Variants in ASAP2 observed in about 807,000 individuals in gnomAD.
ASAP2 encodes arf-GAP with SH3 domain, ANK repeat and PH domain-containing protein 2.
In ASAP2, 45 loss-of-function variants were observed where a neutral mutation model predicts 131.4. That is an observed-to-expected ratio of 0.34 (90% CI 0.27 to 0.44). ASAP2 has a LOEUF of 0.44. Ranked by LOEUF, ASAP2 falls within the 20% of genes least tolerant of loss-of-function variation. ASAP2 has a pLI of 1.00. For missense variants in ASAP2, 1,011 were observed against 1,297.0 expected, an observed-to-expected ratio of 0.78 and a Z score of 3.39; for synonymous variants, 510 against 503.0, an observed-to-expected ratio of 1.01 and a Z score of -0.19.
At chr2:9,275,242 T>A (rs1007683394) in intron 1 of ASAP2, among the ~76,000 whole-genome samples, 1 of 152,066 alleles carries the variant, frequency 6.6e-6, no homozygotes. Context: ...GCTAACTTAT[T>A]TTTATTTTTT....
chr2:9,232,713 C>T lies in ASAP2; in HGVS notation c.126+25483C>T, dbSNP rs11688760. 6.5e-3 allele frequency among the ~76,000 whole-genome samples: 997 copies of T among 152,318 alleles called. 11 individuals carry two copies. The highest frequency in any genetic ancestry group is 0.023 in the African/African-American group (960 of 41,576). On this transcript the variant is annotated intron_variant, in intron 1 of 27. Transcript: ENST00000281419. The surrounding 1 kb of genome is among the most constrained non-coding windows in gnomAD (Gnocchi z 4.1). Reference sequence around the variant, plus strand: ...TTGTTGAATGAATAAAACTGACAGGCAACTACAGCTTAGATTGCAGGGAGT... The same window carrying T: ...TTGTTGAATGAATAAAACTGACAGGTAACTACAGCTTAGATTGCAGGGAGT...
intron 2 of ASAP2, among the ~76,000 whole-genome samples, chr2:9,295,538 T>A (rs1356168314): frequency 2.0e-5 from 3 of 152,226 alleles, no homozygotes; most frequent in Non-Finnish European, 4.4e-5. Context: ...TTTATGTAGC[T>A]GACGCCGCAG....
Position 9,392,166 on chromosome 2 carries a change from C to A in ASAP2, c.2518+970C>A, listed in dbSNP as rs1553330538. 6.6e-6 allele frequency among the ~76,000 whole-genome samples: 1 copy of A among 152,182 alleles called. No homozygotes were observed. The highest frequency in any genetic ancestry group is 1.5e-5 in the Non-Finnish European group (1 of 68,034). ...CACCACGCCCAGCCTGGCATGTTTTCTTTAATATCAACATGTGGTTGAAAG... is the reference window on the plus strand; with the variant it reads ...CACCACGCCCAGCCTGGCATGTTTTATTTAATATCAACATGTGGTTGAAAG... On this transcript the variant is annotated intron_variant, in intron 23 of 27. Transcript: ENST00000281419. The surrounding 1 kb of genome is among the most constrained non-coding windows in gnomAD (Gnocchi z 4.0).
rs771728266 is a variant in ASAP2, at chr2:9,356,414, G to A, written c.1327+69G>A. The A allele has an allele frequency of 3.1e-4, 459 of 1,460,438 alleles. 1 individual carries two copies. The highest frequency in any genetic ancestry group is 3.9e-4 in the Non-Finnish European group (424 of 1,090,472). The allele number at this position is 1,460,438 out of a possible 1,614,324, so 90.5% of individuals were successfully genotyped here. ...AATCCCATTCTGATTCACAGAATCC[G>A]TTCATTGATTTTCACTTTCATTTCA... On this transcript the variant is annotated intron_variant, in intron 14 of 27. Transcript: ENST00000281419.
At position 9,242,967 on chromosome 2, in the gene ASAP2, T is replaced by C. The variant is rs115115036; in HGVS notation, c.126+35737T>C. ...AAAAAGAGGCATAAGCAGCGTTGTGTGCTTTCTTTATTTTGGCCTACCCTG... is the reference window on the plus strand; with the variant it reads ...AAAAAGAGGCATAAGCAGCGTTGTGCGCTTTCTTTATTTTGGCCTACCCTG... On this transcript the variant is annotated intron_variant, in intron 1 of 27. Coordinates refer to ENST00000281419, the MANE Select transcript of ASAP2 (RefSeq NM_003887.3). 6.8e-3 allele frequency among the ~76,000 whole-genome samples: 1,030 copies of C among 152,320 alleles called. 17 individuals are homozygous for C. Among genetic ancestry groups the C allele is most frequent in the African/African-American group, 0.024 (984 of 41,578 alleles).
intron 3 of ASAP2, among the ~76,000 whole-genome samples, chr2:9,312,704 G>A (rs562491838): frequency 2.6e-5 from 4 of 152,202 alleles, no homozygotes; most frequent in East Asian, 1.9e-4. Flanking sequence ...AACATGGGGC[G>A]TGTCTCCCCA....
chr2:9,223,830 G>T (rs1662589175), intron 1 of ASAP2, among the ~76,000 whole-genome samples: 1 of 152,198 alleles, frequency 6.6e-6, no homozygotes, highest in South Asian at 2.1e-4. Context: ...TTAGAAGGGT[G>T]GGGGCCCCCT....
At chr2:9,260,356 G>A (rs1665491709) in intron 1 of ASAP2, among the ~76,000 whole-genome samples, 1 of 152,164 alleles carries the variant, frequency 6.6e-6, no homozygotes, top group Admixed American at 6.5e-5. Context: ...TGATCCCTGT[G>A]CACCTTCGGG....
chr2:9,319,192 G>A (rs1425193846), intron 4 of ASAP2, among the ~76,000 whole-genome samples: 3 of 152,242 alleles, frequency 2.0e-5, no homozygotes, highest in Admixed American at 6.5e-5. Context: ...CTAGAGGCGC[G>A]TTTGCCAGGC....
At chr2:9,366,647 C>T (rs1464357587) in intron 15 of ASAP2, among the ~76,000 whole-genome samples, 1 of 152,172 alleles carries the variant, frequency 6.6e-6, no homozygotes, top group Non-Finnish European at 1.5e-5. Context: ...AGCCTCTAGG[C>T]TTTTGCCTCC....
intron 1 of ASAP2, among the ~76,000 whole-genome samples, chr2:9,233,029 T>C (rs1195221831): frequency 6.6e-6 from 1 of 152,198 alleles, no homozygotes; most frequent in Non-Finnish European, 1.5e-5. Context: ...CTCTTAGGAA[T>C]GGAGAATGCT....
intron 7 of ASAP2, among the ~76,000 whole-genome samples, chr2:9,334,268 G>A (rs1345953544): frequency 6.8e-6 from 1 of 147,004 alleles, no homozygotes; most frequent in African/African-American, 2.5e-5. Flanking sequence ...CAGCTGGTCT[G>A]GAACTCCTGG....
intron 1 of ASAP2, among the ~76,000 whole-genome samples, chr2:9,261,110 C>T (rs542428479): frequency 6.6e-6 from 1 of 152,150 alleles, no homozygotes; most frequent in Non-Finnish European, 1.5e-5. Flanking sequence ...GGGTGGACAG[C>T]ACTCTTGGTG....
intron 1 of ASAP2, among the ~76,000 whole-genome samples, chr2:9,269,541 T>G (rs1222842556): frequency 6.6e-6 from 1 of 151,778 alleles, no homozygotes; most frequent in African/African-American, 2.4e-5. Context: ...TGGAGGAGGG[T>G]GGCCATGGGG....
intron 7 of ASAP2, among the ~76,000 whole-genome samples, chr2:9,330,340 C>T (rs1446391825): frequency 2.6e-5 from 4 of 152,126 alleles, no homozygotes; most frequent in African/African-American, 9.7e-5. Context: ...ATCGCATGTT[C>T]CCACTCCTAA....
chr2:9,375,521 C>T (rs1674337463), intron 17 of ASAP2, among the ~76,000 whole-genome samples: 1 of 152,208 alleles, frequency 6.6e-6, no homozygotes, highest in South Asian at 2.1e-4. Context: ...ATATCCATTA[C>T]CTCACAGGCT....
Position 9,217,605 on chromosome 2 carries a change from A to G in ASAP2, c.126+10375A>G, listed in dbSNP as rs1384604370. 6.8e-6 allele frequency among the ~76,000 whole-genome samples: 1 copy of G among 146,906 alleles called. No individual in the cohort carries two copies. Among genetic ancestry groups the G allele is most frequent in the Non-Finnish European group, 1.5e-5 (1 of 66,862 alleles). ...AAGAAATCATGTTCTTCTTAGAGGT[A>G]TGTTTTTGTTTTTTGTTTTTTTTTT... On this transcript the variant is annotated intron_variant, in intron 1 of 27. Transcript: ENST00000281419. This position sits in a 1 kb window ranked among gnomAD's most constrained non-coding sequence, Gnocchi z 4.0.
At position 9,305,090 on chromosome 2, in the gene ASAP2, A is replaced by G. The variant is rs1260755803; in HGVS notation, c.345+7645A>G. On this transcript the variant is annotated intron_variant, in intron 3 of 27. Coordinates refer to ENST00000281419, the MANE Select transcript of ASAP2 (RefSeq NM_003887.3). ...TAATAGTGGGGTATAGATACTGGTG[A>G]GGGGCTGTAATAGTGGGGTACAGAT... 6.2e-4 allele frequency among the ~76,000 whole-genome samples: 44 copies of G among 70,694 alleles called. 1 individual carries two copies. Among genetic ancestry groups the G allele is most frequent in the African/African-American group, 2.4e-3 (42 of 17,318 alleles). 46.4% of individuals were successfully genotyped at this position (70,694 alleles called of 152,430 possible). A position where few individuals can be genotyped will look rare whatever the true frequency, so the allele number is the denominator to read the frequency against.
intron 27 of ASAP2, among the ~76,000 whole-genome samples, 187 bp from the exon 28 acceptor site, chr2:9,403,066 A>G (rs968119308): frequency 1.3e-5 from 2 of 152,244 alleles, no homozygotes; most frequent in African/African-American, 2.4e-5. Context: ...AGAGGCCTGC[A>G]CTATTTGAAA....
Sources: allele counts gnomAD v4.1 joint callset (sites outside exome capture counted in the v4.1 genomes callset), GRCh38; gene constraint gnomAD v4.1.1; non-coding constraint Gnocchi (gnomAD v3.1); transcripts MANE v1.5; gene names NCBI Gene and HGNC (gene_info 2026-07-23, HGNC 2026-07-21).